ACTN2: variants seen among roughly 807,000 people sequenced by gnomAD.
ACTN2 encodes the protein alpha-actinin-2.
ACTN2 carries 39 observed loss-of-function variants against 113.8 expected under a neutral mutation model. That is an observed-to-expected ratio of 0.34 (90% CI 0.27 to 0.45). The LOEUF (loss-of-function observed/expected upper bound fraction) is 0.45, where lower values mean the gene tolerates loss of function less well. Ranked by LOEUF, ACTN2 falls within the 20% of genes least tolerant of loss-of-function variation. The probability of loss-of-function intolerance (pLI) is 1.00; values close to 1 mark genes in which losing one functional copy is unlikely to be tolerated. For missense variants in ACTN2, 992 were observed against 1,177.9 expected, an observed-to-expected ratio of 0.84 and a Z score of 2.31; for synonymous variants, 429 against 444.1, an observed-to-expected ratio of 0.97 and a Z score of 0.43.
intron 1 of ACTN2, among the ~76,000 whole-genome samples, chr1:236,699,514 G>A (rs147209104): frequency 6.6e-4 from 100 of 152,304 alleles, no homozygotes; most frequent in African/African-American, 2.2e-3. Flanking sequence ...ATGCTGATAT[G>A]TCTGACGCAC....
intron 1 of ACTN2, among the ~76,000 whole-genome samples, chr1:236,700,309 A>AGGCATCTCCT (rs570773035): frequency 6.6e-6 from 1 of 152,170 alleles, no homozygotes; most frequent in East Asian, 1.9e-4. Flanking sequence ...CAGCCTCCCG[A>AGGCATCTCCT]GTAGCTGGGA....
rs779407684 is a variant in ACTN2 at position 236,762,548 on chromosome 1, C to T, written c.2614C>T (p.Pro872Ser). The change falls in exon 21 of 21, where the codon CCA becomes TCA. Residue 872 changes from proline to serine, a missense_variant. This residue lies in a region of ACTN2 where 736 missense variants were observed against 815.4 expected (regional missense o/e 0.90). Transcript: ENST00000366578. ...CIKRMPAYSG[P>S]GSVPGALDYA... ...CAAGAGGATGCCCGCCTACTCGGGCCCAGGCAGTGTGCCTGGTGCACTGGA... is the reference window on the plus strand; with the variant it reads ...CAAGAGGATGCCCGCCTACTCGGGCTCAGGCAGTGTGCCTGGTGCACTGGA... The T allele has an allele frequency of 4.3e-6, 7 of 1,614,136 alleles. No homozygotes were observed. The highest frequency in any genetic ancestry group is 5.9e-6 in the Non-Finnish European group (7 of 1,180,018).
intron 13 of ACTN2, among the ~76,000 whole-genome samples, chr1:236,748,909 T>C (rs1242850923): frequency 6.6e-6 from 1 of 152,238 alleles, no homozygotes; most frequent in Non-Finnish European, 1.5e-5. Flanking sequence ...GAGGCTGCTC[T>C]GGATGTTATG....
In ACTN2 at chr1:236,693,177, G is replaced by GCACACACA. The variant is rs35891713; in HGVS notation, c.126+6409_126+6416dup. 3.4e-3 allele frequency among the ~76,000 whole-genome samples: 502 copies of GCACACACA among 149,144 alleles called. 2 individuals are homozygous for GCACACACA. Among genetic ancestry groups the GCACACACA allele is most frequent in the Middle Eastern group, 0.014 (4 of 288 alleles). On this transcript the variant is annotated intron_variant, in intron 1 of 20. Coordinates refer to ENST00000366578, the MANE Select transcript of ACTN2 (RefSeq NM_001103.4). ...TTTTGGTACAAACATCTGCACACAT[G>GCACACACA]CACACACACACACACACACACACAC... is the stretch of plus-strand genomic sequence containing the variant.
intron 13 of ACTN2, chr1:236,748,063 C>T: frequency 2.8e-6 from 1 of 363,360 alleles, no homozygotes; most frequent in Non-Finnish European, 5.2e-6. Context: ...CAGTACGTTT[C>T]CAAAAGTCCT....
rs74802836 is a variant in ACTN2 at position 236,696,534 on chromosome 1, G to C, written c.126+9735G>C. Among the ~76,000 whole-genome samples, 1,306 of 152,160 alleles carry C rather than the reference G, an allele frequency of 8.6e-3. 15 individuals carry two copies. The highest frequency in any genetic ancestry group is 0.03 in the African/African-American group (1,236 of 41,512). ...TTAGAAGGTAGGTAATCTCATTGCTGTTTATGAGGATTTTAAGATAATTTA... is the reference window on the plus strand; with the variant it reads ...TTAGAAGGTAGGTAATCTCATTGCTCTTTATGAGGATTTTAAGATAATTTA... On this transcript the variant is annotated intron_variant, in intron 1 of 20. Transcript: ENST00000366578.
intron 18 of ACTN2, among the ~76,000 whole-genome samples, chr1:236,758,265 A>C (rs922041124): frequency 6.7e-6 from 1 of 150,036 alleles, no homozygotes; most frequent in Admixed American, 6.6e-5. Context: ...GTGAGTGACT[A>C]TTAAGGCACA....
chr1:236,704,863 G>C (rs1657780200), intron 1 of ACTN2, among the ~76,000 whole-genome samples: 1 of 152,188 alleles, frequency 6.6e-6, no homozygotes, highest in East Asian at 1.9e-4. Flanking sequence ...CAAAAAGGCT[G>C]TGATCTAATA....
intron 6 of ACTN2, among the ~76,000 whole-genome samples, chr1:236,728,343 C>T (rs1339837318): frequency 6.6e-6 from 1 of 152,098 alleles, no homozygotes; most frequent in East Asian, 1.9e-4. Flanking sequence ...CGGGGTTTCA[C>T]CGTGTCAGCC....
chr1:236,751,623 A>G lies in ACTN2; in HGVS notation c.1810A>G (p.Met604Val), dbSNP rs35997569. The G allele has an allele frequency of 3.6e-3, 5,808 of 1,613,882 alleles. 140 individuals are homozygous for G. In the African/African-American group the frequency reaches 0.063, roughly 17 times the overall value. ...SSSNPYSTVTMDELRTKWDKV... is the reference protein window; with the variant it reads ...SSSNPYSTVTVDELRTKWDKV... ...AAGCAACCCGTACAGCACTGTCACC[A>G]TGGATGAGCTCCGGACCAAGTGGGA... Residue 604 changes from methionine to valine, a missense_variant, in exon 15 of 21, where the codon ATG becomes GTG. Around this residue, in one of 3 missense-constraint regions of ACTN2, gnomAD observed 736 missense variants for 815.4 expected, o/e 0.90. Transcript: ENST00000366578.
intron 1 of ACTN2, among the ~76,000 whole-genome samples, chr1:236,713,504 G>A (rs996931487): frequency 6.6e-6 from 1 of 152,180 alleles, no homozygotes; most frequent in African/African-American, 2.4e-5. Flanking sequence ...TGGGATTACA[G>A]GCATGAGCCA....
At chr1:236,727,873 A>G in intron 6 of ACTN2, 117 bp downstream of exon 6, 1 of 964,690 alleles carries the variant, frequency 1.0e-6, no homozygotes, top group Non-Finnish European at 1.6e-6. Context: ...AGAAACGGCC[A>G]CCAGGAAAAA....
At chr1:236,706,277 C>T (rs1657821855) in intron 1 of ACTN2, among the ~76,000 whole-genome samples, 1 of 151,936 alleles carries the variant, frequency 6.6e-6, no homozygotes, top group African/African-American at 2.4e-5. Context: ...GACTTGTATC[C>T]TCTTTGATTG....
chr1:236,708,175 C>T (rs749343967), intron 1 of ACTN2, among the ~76,000 whole-genome samples: 9 of 151,988 alleles, frequency 5.9e-5, no homozygotes, highest in Non-Finnish European at 1.0e-4. Flanking sequence ...CTAACAGGAC[C>T]TTGGAGACCA....
chr1:236,692,450 G>A (rs1027222322), intron 1 of ACTN2, among the ~76,000 whole-genome samples: 11 of 152,310 alleles, frequency 7.2e-5, no homozygotes, highest in African/African-American at 2.4e-4. Flanking sequence ...AGGAGCCACC[G>A]TGCTGAGGTG....
At chr1:236,721,435 A>T (rs942367640) in intron 4 of ACTN2, among the ~76,000 whole-genome samples, 4 of 152,068 alleles carry the variant, frequency 2.6e-5, no homozygotes, top group African/African-American at 9.7e-5. Context: ...CTTCAAACTC[A>T]CTTCAATTAT....
intron 1 of ACTN2, among the ~76,000 whole-genome samples, chr1:236,712,527 T>C (rs1328695382): frequency 6.6e-6 from 1 of 152,176 alleles, no homozygotes. Flanking sequence ...ATTGTATATA[T>C]ATCTATAAAA....
chr1:236,739,225 A>C, intron 9 of ACTN2, 77 bp from the exon 10 acceptor site: 1 of 1,363,342 alleles, frequency 7.3e-7, no homozygotes, highest in Non-Finnish European at 1.0e-6. Flanking sequence ...AAATTATTGG[A>C]TGCCTCATTT....
intron 5 of ACTN2, among the ~76,000 whole-genome samples, chr1:236,726,603 A>C (rs905743734): frequency 2.0e-5 from 3 of 152,200 alleles, no homozygotes; most frequent in Middle Eastern, 3.2e-3. Context: ...GAAGTAAAAG[A>C]GTTGGTTATA....
Sources: gnomAD v4.1 joint callset for allele counts (sites outside exome capture counted in the v4.1 genomes callset) on GRCh38, gnomAD v4.1.1 for gene constraint, gnomAD v4.1.1 regional missense constraint, MANE v1.5 for transcripts, NCBI Gene and HGNC (gene_info 2026-07-23, HGNC 2026-07-21) for gene names.